CDH4: variants seen among roughly 807,000 people sequenced by gnomAD.
CDH4 encodes cadherin 4.
Under a neutral mutation model 86.0 loss-of-function variants are expected in CDH4, and 33 were observed. The ratio of observed to expected loss-of-function variants is 0.38; its 90% confidence interval spans 0.29 to 0.51. The LOEUF is 0.51. Ranked by LOEUF, CDH4 falls within the 20% of genes least tolerant of loss-of-function variation. The pLI is 0.86. For missense variants in CDH4, 1,114 were observed against 1,307.4 expected, an observed-to-expected ratio of 0.85 and a Z score of 2.28; for synonymous variants, 555 against 549.4, an observed-to-expected ratio of 1.01 and a Z score of -0.14.
chr20:61,878,922 TGCTTAATGTTCAGA>T (rs1266657575), intron 7 of CDH4, among the ~76,000 whole-genome samples: 1 of 152,238 alleles, frequency 6.6e-6, no homozygotes, highest in Non-Finnish European at 1.5e-5. Flanking sequence ...TGTGGGTCTG[TGCTTAATGTTCAGA>T]GCTGCCCTGC....
chr20:61,882,858 G>A (rs1285072618), intron 7 of CDH4, among the ~76,000 whole-genome samples: 1 of 127,600 alleles, frequency 7.8e-6, no homozygotes, highest in Non-Finnish European at 1.6e-5. Context: ...GAAGTCACCC[G>A]GCCGGCCCCG....
intron 2 of CDH4, among the ~76,000 whole-genome samples, chr20:61,541,956 G>C (rs748509295): frequency 2.0e-5 from 3 of 152,180 alleles, no homozygotes; most frequent in Non-Finnish European, 4.4e-5. Context: ...GTGTGGCCTG[G>C]TTTGAGCAAT....
intron 2 of CDH4, among the ~76,000 whole-genome samples, chr20:61,704,698 A>G (rs1177214798): frequency 1.3e-5 from 2 of 152,180 alleles, no homozygotes; most frequent in African/African-American, 4.8e-5. Flanking sequence ...GAATTTGCCA[A>G]TATCTAATCT....
intron 5 of CDH4, among the ~76,000 whole-genome samples, chr20:61,845,308 C>T (rs1982390065): frequency 6.6e-6 from 1 of 152,248 alleles, no homozygotes; most frequent in African/African-American, 2.4e-5. Flanking sequence ...TCCGACGTCT[C>T]TCGCGGCAGA....
chr20:61,322,895 C>G (rs117750416), intron 2 of CDH4, among the ~76,000 whole-genome samples: 1,529 of 152,278 alleles, frequency 0.01, 19 homozygotes, highest in Non-Finnish European at 0.013. Flanking sequence ...ACAACAGGCT[C>G]TATCCCTGGT....
In CDH4 at chr20:61,621,710, CT is replaced by C. The variant is rs1009937145; in HGVS notation, c.170-121847del. Reference sequence around the variant, plus strand: ...GCAAGGCTAGTTTATAGTTCAAGGTCTTTTTTGTAAGTAAAAGATAGCCACT... The same window carrying C: ...GCAAGGCTAGTTTATAGTTCAAGGTCTTTTTGTAAGTAAAAGATAGCCACT... On this transcript the variant is annotated intron_variant, in intron 2 of 15. Transcript: ENST00000614565. Among the ~76,000 whole-genome samples, 7 of 152,200 alleles carry C rather than the reference CT, an allele frequency of 4.6e-5. No individual in the cohort carries two copies. The South Asian group carries it at 6.2e-4, about 14-fold the overall frequency.
At chr20:61,259,544 G>A (rs898984586) in intron 2 of CDH4, among the ~76,000 whole-genome samples, 12 of 152,166 alleles carry the variant, frequency 7.9e-5, no homozygotes, top group South Asian at 2.1e-4. Context: ...TTTCCGAGTC[G>A]CTTTGGTTAA....
At chr20:61,384,747 G>T (rs1324298456) in intron 2 of CDH4, among the ~76,000 whole-genome samples, 6 of 151,112 alleles carry the variant, frequency 4.0e-5, no homozygotes, top group Admixed American at 3.3e-4. Context: ...ACTTCTGGGG[G>T]TTCTCTTTCA....
intron 4 of CDH4, among the ~76,000 whole-genome samples, chr20:61,834,847 G>A (rs1337203362): frequency 3.3e-5 from 5 of 152,208 alleles, no homozygotes; most frequent in Admixed American, 6.5e-5. Context: ...CTCCACTCTG[G>A]CTTCTGTGCA....
At chr20:61,474,363 TG>T (rs2085523341) in intron 2 of CDH4, among the ~76,000 whole-genome samples, 1 of 145,866 alleles carries the variant, frequency 6.9e-6, no homozygotes, top group East Asian at 2.0e-4. Context: ...TTAGCAGAGA[TG>T]GGGTTTCACC....
At chr20:61,348,759 C>T (rs548312052) in intron 2 of CDH4, among the ~76,000 whole-genome samples, 11 of 152,354 alleles carry the variant, frequency 7.2e-5, no homozygotes, top group African/African-American at 2.6e-4. Context: ...GCTCTTGTCA[C>T]TTCCAAAGGG....
chr20:61,363,105 C>T (rs1343327660), intron 2 of CDH4, among the ~76,000 whole-genome samples: 4 of 152,220 alleles, frequency 2.6e-5, no homozygotes, highest in Middle Eastern at 3.4e-3. Flanking sequence ...CTGCTGCATC[C>T]GTGCCTTAGA....
At chr20:61,458,512 G>A (rs562689271) in intron 2 of CDH4, among the ~76,000 whole-genome samples, 51 of 151,906 alleles carry the variant, frequency 3.4e-4, no homozygotes, top group African/African-American at 1.1e-3. Context: ...TGATGGTCAC[G>A]ATGGTGATGA....
chr20:61,260,323 T>C (rs917784666), intron 2 of CDH4, among the ~76,000 whole-genome samples: 5 of 152,184 alleles, frequency 3.3e-5, no homozygotes, highest in African/African-American at 9.7e-5. Flanking sequence ...GTTGAATAAA[T>C]GAACAGTCAC....
chr20:61,361,509 C>G (rs2084782965), intron 2 of CDH4, among the ~76,000 whole-genome samples: 1 of 152,186 alleles, frequency 6.6e-6, no homozygotes, highest in African/African-American at 2.4e-5. Context: ...AGACACTTTC[C>G]TTGGACCTCT....
intron 2 of CDH4, among the ~76,000 whole-genome samples, chr20:61,620,926 T>C (rs2086771890): frequency 1.3e-5 from 2 of 152,256 alleles, no homozygotes; most frequent in Admixed American, 6.5e-5. Context: ...GAGGCGCTTC[T>C]TCCACGCGGG....
At position 61,522,361 on chromosome 20, in the gene CDH4, A is replaced by C. The variant is rs1600727670; in HGVS notation, c.170-221202A>C. ...GATTTCCTCCCAAACCCCTCCAGCC[A>C]CTGAAAACTGATGCATGAGGAATAG... On this transcript the variant is annotated intron_variant, in intron 2 of 15. Transcript: ENST00000614565. Among the ~76,000 whole-genome samples the C allele has an allele frequency of 3.9e-5, 6 of 152,214 alleles. No individual in the cohort carries two copies. In the South Asian group the frequency reaches 1.2e-3, roughly 31 times the overall value.
intron 6 of CDH4, among the ~76,000 whole-genome samples, chr20:61,862,931 G>C (rs781245265): frequency 2.6e-5 from 4 of 152,090 alleles, no homozygotes; most frequent in Admixed American, 6.5e-5. Context: ...TATTCTATTA[G>C]TGGGCCCCGT....
chr20:61,409,701 T>A (rs1430195522), intron 2 of CDH4, among the ~76,000 whole-genome samples: 1 of 152,252 alleles, frequency 6.6e-6, no homozygotes, highest in African/African-American at 2.4e-5. Context: ...GCAACTTTTC[T>A]TCTACACTGC....
Sources: gnomAD v4.1 joint callset for allele counts (sites outside exome capture counted in the v4.1 genomes callset) on GRCh38, gnomAD v4.1.1 for gene constraint, MANE v1.5 for transcripts, NCBI Gene and HGNC (gene_info 2026-07-23, HGNC 2026-07-21) for gene names.